AFG2A: variants seen among roughly 807,000 people sequenced by gnomAD.
AFG2A encodes the protein AAA ATPase AFG2A, also known as ATPase family gene 2 protein homolog A.
At chr4:123,012,597 C>T in the AFG2A span, among the ~76,000 whole-genome samples, 11 of 152,204 alleles carry the variant, frequency 7.2e-5, no homozygotes, top group East Asian at 1.7e-3. Flanking sequence ...GATTAAACAC[C>T]GAGGGAAGAC....
chr4:123,058,303 C>T, the AFG2A span, among the ~76,000 whole-genome samples: 1 of 152,138 alleles, frequency 6.6e-6, no homozygotes. Context: ...AGAATGAGAG[C>T]CAAGTGAAAG....
At chr4:122,940,700 C>T in the AFG2A span, among the ~76,000 whole-genome samples, 1 of 152,090 alleles carries the variant, frequency 6.6e-6, no homozygotes, top group Non-Finnish European at 1.5e-5. Context: ...GACATGAAGT[C>T]CTTACCCATG....
the AFG2A span, among the ~76,000 whole-genome samples, chr4:123,270,680 A>G: frequency 6.6e-6 from 1 of 152,248 alleles, no homozygotes; most frequent in Non-Finnish European, 1.5e-5. Context: ...ATAACATCTT[A>G]AAAACCTCAC....
chr4:123,206,986 CTG>C, the AFG2A span, among the ~76,000 whole-genome samples: 84,222 of 151,858 alleles, frequency 0.55, 26,506 homozygotes, highest in Non-Finnish European at 0.69. Context: ...CACTGAGTAA[CTG>C]TACTCACAAG....
the AFG2A span, among the ~76,000 whole-genome samples, chr4:123,149,594 C>T: frequency 6.6e-6 from 1 of 152,114 alleles, no homozygotes; most frequent in Non-Finnish European, 1.5e-5. Context: ...GTTCTCTTTT[C>T]TTCATAAGAT....
the AFG2A span, among the ~76,000 whole-genome samples, chr4:122,951,593 C>T: frequency 6.6e-5 from 10 of 152,092 alleles, no homozygotes; most frequent in African/African-American, 2.2e-4. Flanking sequence ...AATGTCATGC[C>T]GGATGCCTGT....
chr4:123,110,716 A>T, the AFG2A span, among the ~76,000 whole-genome samples: 2 of 152,182 alleles, frequency 1.3e-5, no homozygotes, highest in East Asian at 1.9e-4. Context: ...TGCTTTATGT[A>T]CATAATCTGT....
the AFG2A span, among the ~76,000 whole-genome samples, chr4:123,212,398 A>T: frequency 6.6e-6 from 1 of 152,078 alleles, no homozygotes; most frequent in Non-Finnish European, 1.5e-5. Context: ...TTTTTGTTCT[A>T]TGCCTTTGAG....
chr4:123,024,429 C>T, the AFG2A span, among the ~76,000 whole-genome samples: 1 of 152,256 alleles, frequency 6.6e-6, no homozygotes, highest in African/African-American at 2.4e-5. Context: ...CCAAAAGGCT[C>T]TGCTAGAAAC....
At chr4:123,226,424 G>A in the AFG2A span, among the ~76,000 whole-genome samples, 1 of 152,144 alleles carries the variant, frequency 6.6e-6, no homozygotes, top group African/African-American at 2.4e-5. Context: ...AGCATGAAGG[G>A]TTGTTGAATT....
the AFG2A span, among the ~76,000 whole-genome samples, chr4:123,063,551 C>T: frequency 2.3e-4 from 35 of 152,208 alleles, no homozygotes; most frequent in African/African-American, 3.1e-4. Flanking sequence ...TCAAGATCAT[C>T]CTGGCTAAGA....
the AFG2A span, among the ~76,000 whole-genome samples, chr4:122,987,225 A>T: frequency 6.6e-6 from 1 of 151,996 alleles, no homozygotes; most frequent in Non-Finnish European, 1.5e-5. Context: ...AGAGCTGAAG[A>T]CTCTATTTTG....
At chr4:123,147,446 A>G in the AFG2A span, among the ~76,000 whole-genome samples, 8 of 152,258 alleles carry the variant, frequency 5.3e-5, 1 homozygote, top group South Asian at 1.7e-3. Flanking sequence ...GTGTGGTCTG[A>G]AGATCATAAT....
chr4:123,140,520 ATTCT>A, the AFG2A span, among the ~76,000 whole-genome samples: 3 of 150,104 alleles, frequency 2.0e-5, no homozygotes, highest in African/African-American at 7.4e-5. Context: ...TAAAAAAGCG[ATTCT>A]TTCTTGTAAT....
At chr4:123,241,724 G>A in the AFG2A span, among the ~76,000 whole-genome samples, 1 of 152,178 alleles carries the variant, frequency 6.6e-6, no homozygotes, top group Admixed American at 6.5e-5. Context: ...ACCGGCAGAA[G>A]ACAAGGATGC....
chr4:123,147,310 C>T, the AFG2A span, among the ~76,000 whole-genome samples: 1 of 152,016 alleles, frequency 6.6e-6, no homozygotes, highest in Non-Finnish European at 1.5e-5. Context: ...TTCTCTTCTC[C>T]AAACTCCTCT....
chr4:123,219,130 G>A, the AFG2A span, among the ~76,000 whole-genome samples: 3 of 152,308 alleles, frequency 2.0e-5, no homozygotes, highest in South Asian at 2.1e-4. Context: ...CAGGGAATCC[G>A]ACAGTGCAGT....
chr4:123,090,275 A>G, the AFG2A span, among the ~76,000 whole-genome samples: 3 of 152,174 alleles, frequency 2.0e-5, no homozygotes, highest in Non-Finnish European at 4.4e-5. Flanking sequence ...TTCTCTATGT[A>G]TTTGATGAAC....
At chr4:123,200,257 T>C in the AFG2A span, among the ~76,000 whole-genome samples, 5 of 148,038 alleles carry the variant, frequency 3.4e-5, no homozygotes. Context: ...CTGATTACTC[T>C]ATTCCAAAAG....
Sources: allele counts gnomAD v4.1 joint callset (sites outside exome capture counted in the v4.1 genomes callset), GRCh38; gene constraint gnomAD v4.1.1; transcripts MANE v1.5; gene names NCBI Gene and HGNC (gene_info 2026-07-23, HGNC 2026-07-21).